Variants in CFAP47 observed in about 807,000 individuals in gnomAD.
CFAP47 encodes cilia- and flagella-associated protein 47.
In CFAP47, 29 loss-of-function variants were observed where a neutral mutation model predicts 148.1. That is an observed-to-expected ratio of 0.20 (90% CI 0.15 to 0.27). CFAP47 has a LOEUF of 0.27. Among genes scored for constraint, CFAP47 ranks in the 10% least tolerant of loss-of-function variants. The pLI is 1.00. For synonymous variants in CFAP47, 664 were observed against 577.3 expected (o/e 1.15, Z -2.15); for missense variants, 1,872 against 1,697.5 (o/e 1.10, Z -1.81).
At chrX:36,027,857 A>G (rs1484532391) in intron 22 of CFAP47, among the ~76,000 whole-genome samples, 2 of 111,406 alleles carry the variant, frequency 1.8e-5, no homozygotes, top group African/African-American at 3.3e-5. Context: ...CTTTCTGACT[A>G]GTGTAAGATA....
chrX:36,094,857 G>T (rs1239144454), intron 30 of CFAP47, among the ~76,000 whole-genome samples: 1 of 110,465 alleles, frequency 9.1e-6, no homozygotes, highest in Non-Finnish European at 1.9e-5. Context: ...TAATTTGTAT[G>T]CTCCTTATTT....
intron 26 of CFAP47, among the ~76,000 whole-genome samples, chrX:36,055,621 G>T (rs1266021220): frequency 4.5e-5 from 5 of 111,984 alleles, no homozygotes; most frequent in Admixed American, 9.5e-5. Context: ...GAATAGTGCT[G>T]CAGTGAACAT....
intron 57 of CFAP47, among the ~76,000 whole-genome samples, chrX:36,332,408 G>A (rs1364953190): frequency 9.0e-6 from 1 of 111,443 alleles, no homozygotes; most frequent in Non-Finnish European, 1.9e-5. Context: ...GTACACAAAT[G>A]AAACTCTCTA....
intron 33 of CFAP47, among the ~76,000 whole-genome samples, chrX:36,116,200 A>G (rs955369811): frequency 8.9e-6 from 1 of 111,878 alleles, no homozygotes; most frequent in African/African-American, 3.2e-5. Flanking sequence ...TAATTTTACA[A>G]TCCTTGACCT....
rs189248015 is a variant in CFAP47 at position 36,080,894 on chromosome X, C to T, written c.4692-4420C>T. 4.5e-5 allele frequency among the ~76,000 whole-genome samples: 5 copies of T among 111,765 alleles called. No individual in the cohort carries two copies. In the East Asian group the frequency reaches 1.4e-3, roughly 31 times the overall value. On this transcript the variant is annotated intron_variant, in intron 29 of 63. Transcript: ENST00000378653. Reference sequence around the variant, plus strand: ...TGTATACATATGTAACAAACCTGCACATTGTGCACATGCACCCTAGAACTT... The same window carrying T: ...TGTATACATATGTAACAAACCTGCATATTGTGCACATGCACCCTAGAACTT...
At position 36,073,170 on chromosome X, in the gene CFAP47, G is replaced by T; in HGVS notation, c.4497G>T (p.Leu1499Phe). The change falls in exon 29 of 64, where the codon TTG becomes TTT. Residue 1499 changes from leucine to phenylalanine, a missense_variant. Coordinates refer to ENST00000378653, the MANE Select transcript of CFAP47 (RefSeq NM_001304548.2). ...AAGTACTGCCTGAAAATTTGCACTTGGATGAAAGTGAAACATCAGAGGAAG... is the reference window on the plus strand; with the variant it reads ...AAGTACTGCCTGAAAATTTGCACTTTGATGAAAGTGAAACATCAGAGGAAG... ...GVEVLPENLH[L>F]DESETSEEDH... 8.3e-7 allele frequency: 1 copy of T among 1,209,189 alleles called. No individual in the cohort carries two copies.
At chrX:36,037,015 A>G (rs1232448338) in intron 24 of CFAP47, among the ~76,000 whole-genome samples, 1 of 112,330 alleles carries the variant, frequency 8.9e-6, no homozygotes, top group Non-Finnish European at 1.9e-5. Flanking sequence ...ATGATAGAAA[A>G]TACCAACTAT....
chrX:36,070,638 C>T (rs991223130), intron 27 of CFAP47, among the ~76,000 whole-genome samples: 3 of 109,566 alleles, frequency 2.7e-5, no homozygotes, highest in South Asian at 4.0e-4. Context: ...ACTATAGGCA[C>T]GCGCCACCAC....
At position 36,074,993 on chromosome X, in the gene CFAP47, C is replaced by T. The variant is rs114003252; in HGVS notation, c.4691+1629C>T. ...TCTTTTTTAAGGCTGAGGAGTGTTA[C>T]ATTTTCTTTATCCATTCATCTGTTG... is the stretch of plus-strand genomic sequence containing the variant. On this transcript the variant is annotated intron_variant, in intron 29 of 63. Transcript: ENST00000378653. Among the ~76,000 whole-genome samples, 395 of 110,516 alleles carry T rather than the reference C, an allele frequency of 3.6e-3. 1 individual carries two copies. Among genetic ancestry groups the T allele is most frequent in the African/African-American group, 0.012 (368 of 30,442 alleles).
At chrX:36,348,727 C>A (rs1304209992) in intron 58 of CFAP47, among the ~76,000 whole-genome samples, 5 of 111,237 alleles carry the variant, frequency 4.5e-5, no homozygotes, top group Non-Finnish European at 9.4e-5. Context: ...GATATGACAT[C>A]CATCATATGA....
intron 57 of CFAP47, among the ~76,000 whole-genome samples, chrX:36,341,181 G>A (rs1200674707): frequency 6.6e-5 from 7 of 106,320 alleles, no homozygotes; most frequent in East Asian, 6.3e-4. Context: ...GACTACAGGC[G>A]TGCACCACCA....
In CFAP47 at chrX:35,960,380, G is replaced by GAAAAAAA. The variant is rs1188987905; in HGVS notation, c.1410+4205_1410+4211dup. On this transcript the variant is annotated intron_variant, in intron 8 of 63. Transcript: ENST00000378653. ...CTTTAACATTAGCTTGCTAATTTCTGAAAAAAAAAAAAAAAAAAAAAAAAA... is the reference window on the plus strand; with the variant it reads ...CTTTAACATTAGCTTGCTAATTTCTGAAAAAAAAAAAAAAAAAAAAAAAAAAAAAAAA... Among the ~76,000 whole-genome samples, 15 of 15,478 alleles carry GAAAAAAA rather than the reference G, an allele frequency of 9.7e-4. 2 individuals are homozygous for GAAAAAAA. Among genetic ancestry groups the GAAAAAAA allele is most frequent in the East Asian group, 2.5e-3 (1 of 405 alleles). The allele number at this position is 15,478 out of a possible 115,157, so 13.4% of individuals were successfully genotyped here. A position where few individuals can be genotyped will look rare whatever the true frequency, so the allele number is the denominator to read the frequency against.
At chrX:36,266,620 G>C (rs1432908659) in intron 49 of CFAP47, among the ~76,000 whole-genome samples, 1 of 110,776 alleles carries the variant, frequency 9.0e-6, no homozygotes, top group Non-Finnish European at 1.9e-5. Flanking sequence ...TGGGGTGACA[G>C]GAGGATCTGG....
intron 56 of CFAP47, among the ~76,000 whole-genome samples, chrX:36,317,761 T>C (rs1269354203): frequency 9.0e-6 from 1 of 110,766 alleles, no homozygotes; most frequent in Non-Finnish European, 1.9e-5. Flanking sequence ...TTATTTGTCT[T>C]AGTTTATTTT....
intron 15 of CFAP47, among the ~76,000 whole-genome samples, chrX:35,976,382 A>T (rs1936570821): frequency 8.9e-6 from 1 of 111,805 alleles, no homozygotes; most frequent in African/African-American, 3.2e-5. Flanking sequence ...ACCCACCCGC[A>T]TTATGAAAGG....
chrX:36,365,942 A>G (rs1941871771), intron 61 of CFAP47: 1 of 111,611 alleles, frequency 9.0e-6, no homozygotes, highest in African/African-American at 3.2e-5. Flanking sequence ...TAGTGCTGCA[A>G]TGAACACATG....
At chrX:35,969,124 T>A (rs1271340868) in intron 10 of CFAP47, among the ~76,000 whole-genome samples, 1 of 111,145 alleles carries the variant, frequency 9.0e-6, no homozygotes, top group East Asian at 2.8e-4. Flanking sequence ...TAAGGCCAAG[T>A]ATTTACTATT....
Position 36,000,434 on chromosome X carries a change from AT to A in CFAP47, c.3322+11del, listed in dbSNP as rs2146691843. On this transcript the variant is annotated splice_region_variant and intron_variant, in intron 20 of 63. Transcript: ENST00000378653. Reference sequence around the variant, plus strand: ...GATCTTAAAGACAAATCAGGTATATATTTTGTATATAATGGTATTACTGTAA... The same window carrying A: ...GATCTTAAAGACAAATCAGGTATATATTTGTATATAATGGTATTACTGTAA... 3.4e-6 allele frequency: 1 copy of A among 289,986 alleles called. No homozygotes were observed. The highest frequency in any genetic ancestry group is 2.8e-5 in the African/African-American group (1 of 36,145). The allele number at this position is 289,986 out of a possible 1,213,427, so 23.9% of individuals were successfully genotyped here.
At chrX:36,073,499 T>C in intron 29 of CFAP47, 135 bp downstream of exon 29, 1 of 430,763 alleles carries the variant, frequency 2.3e-6, no homozygotes, top group Non-Finnish European at 3.8e-6. Context: ...AAGCATCTCA[T>C]AATTTATTGT....
Sources: allele counts gnomAD v4.1 joint callset (sites outside exome capture counted in the v4.1 genomes callset), GRCh38; gene constraint gnomAD v4.1.1; transcripts MANE v1.5; gene names NCBI Gene and HGNC (gene_info 2026-07-23, HGNC 2026-07-21).